KLF12: variants seen among roughly 807,000 people sequenced by gnomAD.
The protein encoded by KLF12 is KLF transcription factor 12.
In KLF12, 9 loss-of-function variants were observed where a neutral mutation model predicts 37.8. The observed-to-expected ratio is 0.24, with a 90% CI of 0.14 to 0.42. The LOEUF (loss-of-function observed/expected upper bound fraction) is 0.42. Among genes scored for constraint, KLF12 ranks in the 10% least tolerant of loss-of-function variants. KLF12 has a pLI of 1.00. For missense variants in KLF12, 411 were observed against 516.0 expected, an observed-to-expected ratio of 0.80 and a Z score of 1.97; for synonymous variants, 208 against 202.1, an observed-to-expected ratio of 1.03 and a Z score of -0.25.
At chr13:74,044,237 C>T (rs778841707) in intron 1 of KLF12, among the ~76,000 whole-genome samples, 1 of 152,180 alleles carries the variant, frequency 6.6e-6, no homozygotes, top group Admixed American at 6.5e-5. Context: ...TTCACTAGCA[C>T]TGTCATTTGA....
intron 6 of KLF12, among the ~76,000 whole-genome samples, chr13:73,743,839 G>A (rs568964479): frequency 1.1e-4 from 16 of 152,224 alleles, no homozygotes; most frequent in African/African-American, 2.9e-4. Context: ...AGAAAGTTAC[G>A]CTTCCAGGAA....
At chr13:74,119,395 C>A (rs1877493824) in intron 1 of KLF12, among the ~76,000 whole-genome samples, 1 of 149,816 alleles carries the variant, frequency 6.7e-6, no homozygotes, top group Admixed American at 6.6e-5. Flanking sequence ...AACAGATAAA[C>A]CTGTCAACAC....
chr13:73,865,064 A>C (rs533945072), intron 3 of KLF12, among the ~76,000 whole-genome samples: 1 of 152,272 alleles, frequency 6.6e-6, no homozygotes, highest in East Asian at 1.9e-4. Context: ...CTTCCACTAA[A>C]CAAAAAAGGA....
At chr13:74,204,994 G>T in the KLF12 span, among the ~76,000 whole-genome samples, 3 of 152,102 alleles carry the variant, frequency 2.0e-5, no homozygotes, top group African/African-American at 7.2e-5. Flanking sequence ...AGCAGAAAAT[G>T]ACCATAGAGT....
the KLF12 span, among the ~76,000 whole-genome samples, chr13:74,141,788 G>A: frequency 6.6e-6 from 1 of 152,188 alleles, no homozygotes; most frequent in African/African-American, 2.4e-5. Flanking sequence ...TGGGTCACAT[G>A]AGTTCCTGGA....
At chr13:73,871,767 T>C (rs895942888) in intron 3 of KLF12, among the ~76,000 whole-genome samples, 2 of 152,214 alleles carry the variant, frequency 1.3e-5, no homozygotes, top group South Asian at 2.1e-4. Flanking sequence ...CACTCTAGGC[T>C]GGTTAGCTTT....
intron 1 of KLF12, among the ~76,000 whole-genome samples, chr13:74,088,558 A>T (rs1053597458): frequency 2.6e-5 from 4 of 152,152 alleles, no homozygotes; most frequent in Non-Finnish European, 5.9e-5. Flanking sequence ...ATAGCAAAGG[A>T]CAAAAAGAGA....
At chr13:74,130,912 T>A (rs541412303) in intron 1 of KLF12, among the ~76,000 whole-genome samples, 1 of 152,202 alleles carries the variant, frequency 6.6e-6, no homozygotes, top group Non-Finnish European at 1.5e-5. Context: ...TTTAATGTGA[T>A]CATTGTAATA....
intron 2 of KLF12, among the ~76,000 whole-genome samples, chr13:73,949,523 C>G (rs1890567170): frequency 6.6e-6 from 1 of 152,100 alleles, no homozygotes; most frequent in Non-Finnish European, 1.5e-5. Flanking sequence ...ATTAATTTAG[C>G]CAGTAACTTC....
At chr13:73,831,665 T>G (rs893102710) in intron 4 of KLF12, among the ~76,000 whole-genome samples, 1 of 152,206 alleles carries the variant, frequency 6.6e-6, no homozygotes. Flanking sequence ...AATAATAATT[T>G]TGACGTTTTC....
intron 1 of KLF12, among the ~76,000 whole-genome samples, chr13:74,101,616 T>C (rs1876346810): frequency 6.6e-6 from 1 of 152,090 alleles, no homozygotes; most frequent in Non-Finnish European, 1.5e-5. Context: ...AACTGCTTAT[T>C]GTGCCATAAA....
chr13:73,993,399 G>A (rs950063671), intron 2 of KLF12, among the ~76,000 whole-genome samples: 1 of 152,144 alleles, frequency 6.6e-6, no homozygotes, highest in Non-Finnish European at 1.5e-5. Context: ...GTAACACAAT[G>A]ATTCTTTTTG....
In KLF12 at chr13:73,894,349, C is replaced by T. The variant is rs986099149; in HGVS notation, c.124-47976G>A. Among the ~76,000 whole-genome samples the T allele has an allele frequency of 2.0e-5, 3 of 152,118 alleles. No individual in the cohort carries two copies. In the South Asian group the frequency reaches 6.2e-4, roughly 32 times the overall value. On this transcript the variant is annotated intron_variant, in intron 3 of 7. Coordinates refer to ENST00000377669, the MANE Select transcript of KLF12 (RefSeq NM_007249.5). ...ACACCACATTCACAATGAAATGATG[C>T]CCTGTAAGTAAGATACAGAGTGTCA... is the stretch of plus-strand genomic sequence containing the variant.
chr13:74,132,421 C>G (rs962072566), intron 1 of KLF12, among the ~76,000 whole-genome samples: 7 of 152,140 alleles, frequency 4.6e-5, no homozygotes, highest in Non-Finnish European at 1.0e-4. Flanking sequence ...TTGCTCGTCT[C>G]TCCGATGTTA....
intron 4 of KLF12, among the ~76,000 whole-genome samples, chr13:73,832,621 G>A (rs9565048): frequency 0.24 from 36,836 of 152,078 alleles, 4,672 homozygotes; most frequent in East Asian, 0.48. Flanking sequence ...TACTTAATAC[G>A]TTTTTAAGAT....
chr13:74,096,775 T>C lies in KLF12; in HGVS notation c.-32+36964A>G, dbSNP rs931078860. ...ACAATGAAATGAGAAGGGAGATACA[T>C]AGAATGCCAATTTCTCAGACTGCAT... On this transcript the variant is annotated intron_variant, in intron 1 of 7. Coordinates refer to ENST00000377669, the MANE Select transcript of KLF12 (RefSeq NM_007249.5). Among the ~76,000 whole-genome samples, 15 of 152,272 alleles carry C rather than the reference T, an allele frequency of 9.9e-5. No homozygotes were observed. In the East Asian group the frequency reaches 1.2e-3, roughly 12 times the overall value.
chr13:74,273,192 T>C, the KLF12 span, among the ~76,000 whole-genome samples: 6 of 152,306 alleles, frequency 3.9e-5, 1 homozygote, highest in South Asian at 6.2e-4. Context: ...CATATAGTTA[T>C]GATGCAACTA....
chr13:74,102,068 AG>A lies in KLF12; in HGVS notation c.-32+31670del, dbSNP rs577248318. Among the ~76,000 whole-genome samples the A allele has an allele frequency of 5.8e-3, 883 of 151,664 alleles. 4 individuals are homozygous for A. Among genetic ancestry groups the A allele is most frequent in the Non-Finnish European group, 6.3e-3 (428 of 67,826 alleles). ...CCCTGTCTCTACTAAAAATACAAAC[AG>A]TAGCCAGGCATGGTGGCAGATGCCT... is the stretch of plus-strand genomic sequence containing the variant. On this transcript the variant is annotated intron_variant, in intron 1 of 7. Transcript: ENST00000377669.
chr13:74,208,011 G>T, the KLF12 span, among the ~76,000 whole-genome samples: 8 of 152,104 alleles, frequency 5.3e-5, no homozygotes, highest in Non-Finnish European at 8.8e-5. Context: ...CTTAAATCCA[G>T]TGCACCAAAA....
Sources: allele counts gnomAD v4.1 joint callset (sites outside exome capture counted in the v4.1 genomes callset), GRCh38; gene constraint gnomAD v4.1.1; transcripts MANE v1.5; gene names NCBI Gene and HGNC (gene_info 2026-07-23, HGNC 2026-07-21).